Variants in ENTPD6 observed in about 807,000 individuals in gnomAD.
ENTPD6 encodes ectonucleoside triphosphate diphosphohydrolase 6, also known as CD39 antigen-like 2.
Under a neutral mutation model 61.5 loss-of-function variants are expected in ENTPD6, and 46 were observed. The observed-to-expected ratio is 0.75, with a 90% confidence interval of 0.59 to 0.96. The LOEUF is 0.96. Among genes scored for constraint, ENTPD6 ranks in the 40% least tolerant of loss-of-function variants. The pLI is 0.00. For missense variants in ENTPD6, 612 were observed against 629.0 expected, an observed-to-expected ratio of 0.97 and a Z score of 0.29; for synonymous variants, 252 against 255.5, an observed-to-expected ratio of 0.99 and a Z score of 0.13.
Position 25,225,595 on chromosome 20 carries a change from T to C in ENTPD6, c.1453T>C (p.Ter485GlnextTer27), listed in dbSNP as rs780139222. 55 of 1,613,278 alleles carry C rather than the reference T, an allele frequency of 3.4e-5. No homozygotes were observed. The highest frequency in any genetic ancestry group is 4.5e-5 in the Non-Finnish European group (53 of 1,179,530). Residue 485 changes from the stop codon to glutamine, a stop_lost, in exon 15 of 15, where the codon TAG becomes CAG. Coordinates refer to ENST00000376652, the MANE Select transcript of ENTPD6 (RefSeq NM_001247.5). ...SLNRQKSPAS[*>Q] Reference sequence around the variant, plus strand: ...GAACAGACAGAAGAGTCCAGCCTCATAGTGGCCGAGCCATCCCTGTCCCCG... The same window carrying C: ...GAACAGACAGAAGAGTCCAGCCTCACAGTGGCCGAGCCATCCCTGTCCCCG...
chr20:25,216,802 G>A, intron 8 of ENTPD6, 66 bp downstream of exon 8: 2 of 1,318,402 alleles, frequency 1.5e-6, no homozygotes, highest in Non-Finnish European at 2.1e-6. Context: ...GGGGTGCAGG[G>A]TGGGGCCTGC....
At chr20:25,197,417 C>T (rs1246538301) in intron 1 of ENTPD6, among the ~76,000 whole-genome samples, 1 of 152,182 alleles carries the variant, frequency 6.6e-6, no homozygotes, top group African/African-American at 2.4e-5. Context: ...TCCCTCAGTC[C>T]CCACCCGCTA....
chr20:25,225,763 C>T lies in ENTPD6; in HGVS notation c.*166C>T. 1 of 611,762 alleles carries T rather than the reference C, an allele frequency of 1.6e-6. No individual in the cohort carries two copies. The highest frequency in any genetic ancestry group is 2.9e-6 in the Non-Finnish European group (1 of 347,200). 37.9% of individuals were successfully genotyped at this position (611,762 alleles called of 1,614,324 possible). On this transcript the variant is annotated 3_prime_UTR_variant, in exon 15 of 15. Transcript: ENST00000376652. ...GGCCTGGTGCTGCCCTGGCATCAGC[C>T]TCTTCCAGTCACATCTGGCCAGAGG...
intron 3 of ENTPD6, 40 bp downstream of exon 3, chr20:25,207,437 C>T: frequency 6.7e-7 from 1 of 1,497,492 alleles, no homozygotes. Flanking sequence ...GATCTCCTCC[C>T]CTGTGCTACA....
At chr20:25,211,652 G>C (rs754862266) in intron 4 of ENTPD6, among the ~76,000 whole-genome samples, 4 of 152,318 alleles carry the variant, frequency 2.6e-5, no homozygotes, top group Non-Finnish European at 4.4e-5. Flanking sequence ...TTGGCTGAAT[G>C]TTATTGCATG....
At chr20:25,215,457 C>G (rs1464159798) in intron 6 of ENTPD6, among the ~76,000 whole-genome samples, 1 of 152,138 alleles carries the variant, frequency 6.6e-6, no homozygotes, top group Non-Finnish European at 1.5e-5. Flanking sequence ...TGGTGAAGTA[C>G]TTTAGGATTC....
chr20:25,221,411 C>T (rs777606582), intron 11 of ENTPD6, 78 bp downstream of exon 11: 6 of 1,080,884 alleles, frequency 5.6e-6, no homozygotes, highest in Non-Finnish European at 8.5e-6. Context: ...TTCCCACATC[C>T]CATGGGACGT....
At chr20:25,215,639 A>G (rs1009898245) in intron 6 of ENTPD6, 37 bp from the exon 7 acceptor site, 61 of 1,612,004 alleles carry the variant, frequency 3.8e-5, no homozygotes, top group Non-Finnish European at 5.0e-5. Context: ...TCAGCATCTC[A>G]AGTGATTAAA....
intron 3 of ENTPD6, among the ~76,000 whole-genome samples, chr20:25,208,876 G>A (rs1041914514): frequency 6.6e-6 from 1 of 152,108 alleles, no homozygotes; most frequent in Non-Finnish European, 1.5e-5. Flanking sequence ...GTTGTTTTGT[G>A]TGTAAATTAT....
chr20:25,218,429 A>C, intron 9 of ENTPD6, 121 bp from the exon 10 acceptor site: 1 of 822,026 alleles, frequency 1.2e-6, no homozygotes, highest in Non-Finnish European at 2.0e-6. Context: ...GGAGCAGAGA[A>C]GCTCACTAAC....
intron 1 of ENTPD6, among the ~76,000 whole-genome samples, chr20:25,205,273 T>C (rs2091374117): frequency 6.6e-6 from 1 of 152,078 alleles, no homozygotes; most frequent in Middle Eastern, 3.4e-3. Context: ...AGAGAGTGCG[T>C]GATGGGGCAT....
chr20:25,217,025 A>G (rs2092355507), intron 8 of ENTPD6, among the ~76,000 whole-genome samples: 1 of 152,218 alleles, frequency 6.6e-6, no homozygotes, highest in Admixed American at 6.5e-5. Flanking sequence ...GAGGATATGA[A>G]GTGCTGCCTC....
intron 1 of ENTPD6, 180 bp downstream of exon 1, chr20:25,196,047 C>T (rs1431511512): frequency 4.6e-6 from 4 of 878,314 alleles, no homozygotes; most frequent in Non-Finnish European, 6.0e-6. Flanking sequence ...GTCTGGGCTC[C>T]GCTGACCGGT....
chr20:25,211,678 C>T (rs1236854240), intron 4 of ENTPD6, among the ~76,000 whole-genome samples: 2 of 152,218 alleles, frequency 1.3e-5, no homozygotes, highest in Non-Finnish European at 2.9e-5. Flanking sequence ...TGCACACTTA[C>T]CTCATGGAAC....
chr20:25,206,764 C>G (rs1358421668), intron 2 of ENTPD6, among the ~76,000 whole-genome samples, 174 bp downstream of exon 2: 1 of 152,182 alleles, frequency 6.6e-6, no homozygotes, highest in Non-Finnish European at 1.5e-5. Context: ...ACATAAATCG[C>G]CATGTGTCCC....
Position 25,195,828 on chromosome 20 carries a change from G to T in ENTPD6, c.-55G>T. ...GCTGCCGCCTGCTCCCCGGAAAAGG[G>T]CACTCGTCTCCGTGGGTGTGGCGGA... On this transcript the variant is annotated 5_prime_UTR_variant, in exon 1 of 15. Transcript: ENST00000376652. The T allele has an allele frequency of 2.4e-6, 3 of 1,240,312 alleles. No individual in the cohort carries two copies. Among genetic ancestry groups the T allele is most frequent in the Non-Finnish European group, 3.0e-6 (3 of 988,858 alleles). 76.8% of individuals were successfully genotyped at this position (1,240,312 alleles called of 1,614,324 possible).
rs565679009 is a variant in ENTPD6 at position 25,213,613 on chromosome 20, A to C, written c.597+207A>C. 8.5e-5 allele frequency among the ~76,000 whole-genome samples: 13 copies of C among 152,300 alleles called. No homozygotes were observed. In the South Asian group the frequency reaches 2.3e-3, roughly 27 times the overall value. ...ATTTAAGGTTATTCATGTTTTCTGG[A>C]GTGAATCTGTGTTTTATAATAAGGA... is the stretch of plus-strand genomic sequence containing the variant. On this transcript the variant is annotated intron_variant, in intron 5 of 14. Coordinates refer to ENST00000376652, the MANE Select transcript of ENTPD6 (RefSeq NM_001247.5).
chr20:25,221,496 G>A (rs1194341364), intron 11 of ENTPD6, 163 bp downstream of exon 11: 7 of 701,088 alleles, frequency 1.0e-5, no homozygotes, highest in African/African-American at 1.8e-5. Flanking sequence ...GGCTGCAGGG[G>A]CCTGTGTCTG....
chr20:25,222,456 G>T, intron 11 of ENTPD6: 1 of 180,244 alleles, frequency 5.5e-6, no homozygotes, highest in Admixed American at 5.4e-5. Flanking sequence ...CCTTATCTAT[G>T]ACATAGGGAG....
Sources: allele counts gnomAD v4.1 joint callset (sites outside exome capture counted in the v4.1 genomes callset), GRCh38; gene constraint gnomAD v4.1.1; transcripts MANE v1.5; gene names NCBI Gene and HGNC (gene_info 2026-07-23, HGNC 2026-07-21).